ZNF398: variants seen among roughly 807,000 people sequenced by gnomAD.
The protein encoded by ZNF398 is zinc finger DNA binding protein ZER6.
A neutral mutation model predicts 41.9 loss-of-function variants in ZNF398; 18 were observed. The observed-to-expected ratio is 0.43, with a 90% CI of 0.30 to 0.64. ZNF398 has a LOEUF of 0.64. Among genes scored for constraint, ZNF398 ranks in the 30% least tolerant of loss-of-function variants. The pLI, the probability that ZNF398 is intolerant of heterozygous loss-of-function variation, is 0.14. For missense variants in ZNF398, 669 were observed against 822.8 expected (o/e 0.81, Z 2.29); for synonymous variants, 260 against 308.8 (o/e 0.84, Z 1.66).
upstream of ZNF398, among the ~76,000 whole-genome samples, chr7:149,144,186 T>C (rs1187921373): frequency 6.6e-6 from 1 of 152,230 alleles, no homozygotes; most frequent in African/African-American, 2.4e-5. Flanking sequence ...AGCAGAGAGG[T>C]AGCCTTGCTT....
intron 2 of ZNF398, among the ~76,000 whole-genome samples, chr7:149,135,987 T>C (rs987632169): frequency 1.1e-4 from 16 of 152,018 alleles, no homozygotes; most frequent in African/African-American, 3.9e-4. Context: ...TAATAAAGCT[T>C]TAATTTTGAT....
At chr7:149,157,044 T>C (rs1189011950) in intron 2 of ZNF398, among the ~76,000 whole-genome samples, 1 of 152,058 alleles carries the variant, frequency 6.6e-6, no homozygotes, top group East Asian at 1.9e-4. Flanking sequence ...GAGCAGATGC[T>C]CTTAACCACG....
chr7:149,175,299 C>T (rs1382036420), intron 4 of ZNF398, among the ~76,000 whole-genome samples: 1 of 151,900 alleles, frequency 6.6e-6, no homozygotes, highest in Non-Finnish European at 1.5e-5. Flanking sequence ...CTCTCTGGAG[C>T]TTGACAAGCT....
At chr7:149,148,856 T>A (rs1305643524) in intron 1 of ZNF398, among the ~76,000 whole-genome samples, 1 of 144,002 alleles carries the variant, frequency 6.9e-6, no homozygotes, top group Non-Finnish European at 1.5e-5. Context: ...CGGACCTTTT[T>A]CTTTGTCTTT....
At chr7:149,153,048 G>A (rs1366677344) in intron 1 of ZNF398, among the ~76,000 whole-genome samples, 3 of 151,818 alleles carry the variant, frequency 2.0e-5, no homozygotes, top group South Asian at 2.1e-4. Flanking sequence ...TAGTAGAGAC[G>A]GGATTTCACC....
At chr7:149,140,834 G>T (rs1826807673) in intron 2 of ZNF398, among the ~76,000 whole-genome samples, 1 of 152,066 alleles carries the variant, frequency 6.6e-6, no homozygotes, top group African/African-American at 2.4e-5. Flanking sequence ...GAGCCCAAGA[G>T]TTGGAGACCA....
intron 1 of ZNF398, among the ~76,000 whole-genome samples, chr7:149,151,550 T>C (rs1585515857): frequency 6.6e-6 from 1 of 152,180 alleles, no homozygotes; most frequent in South Asian, 2.1e-4. Context: ...TACTACTCTT[T>C]GTTTCAAAGT....
chr7:149,174,478 G>A (rs1795420932), intron 4 of ZNF398, among the ~76,000 whole-genome samples: 1 of 152,276 alleles, frequency 6.6e-6, no homozygotes, highest in Middle Eastern at 3.4e-3. Context: ...GTGAGCCACT[G>A]TGCCCAGCCC....
Position 149,133,456 on chromosome 7 carries a change from A to G in ZNF398, c.-490+4512A>G, listed in dbSNP as rs578233679. Among the ~76,000 whole-genome samples, 24 of 150,526 alleles carry G rather than the reference A, an allele frequency of 1.6e-4. No individual in the cohort carries two copies. The South Asian group carries it at 3.0e-3, about 19-fold the overall frequency. ...GACCTGTATGTTGTGCTGACTTCCT[A>G]TCTCTTCCTGTGATTTAGAATGCCT... On this transcript the variant is annotated intron_variant, in intron 2 of 6. Coordinates refer to the ZNF398 transcript ENST00000426851.
Position 149,147,797 on chromosome 7 carries a change from C to A in ZNF398, c.24+31C>A. The A allele has an allele frequency of 7.3e-7, 1 of 1,371,032 alleles. No homozygotes were observed. Among genetic ancestry groups the A allele is most frequent in the South Asian group, 1.7e-5 (1 of 59,262 alleles). 84.9% of individuals were successfully genotyped at this position (1,371,032 alleles called of 1,614,324 possible). On this transcript the variant is annotated intron_variant, in intron 1 of 5. Coordinates refer to ENST00000475153, the MANE Select transcript of ZNF398 (RefSeq NM_170686.3). The surrounding 1 kb of genome is among the most constrained non-coding windows in gnomAD (Gnocchi z 5.6). ...GGCGGCCGCGCGCGAGTGTTGTGAG[C>A]CCCCGAGACCCAGACCCCGAGGGAG... is the stretch of plus-strand genomic sequence containing the variant.
In ZNF398 at chr7:149,182,875, T is replaced by A. The variant is rs2129522264; in HGVS notation, c.*3074T>A. The A allele has an allele frequency of 6.6e-6, 1 of 152,326 alleles. No homozygotes were observed. The allele number at this position is 152,326 out of a possible 1,614,324, so 9.4% of individuals were successfully genotyped here. On this transcript the variant is annotated 3_prime_UTR_variant, in exon 6 of 6. Transcript: ENST00000475153. ...CCTACTTCCCTTTTCATTAATAATG[T>A]GTGCAAGTTTCCTATTAGCGGGGAA...
At chr7:149,127,685 C>T (rs1826515410) in intron 1 of ZNF398, among the ~76,000 whole-genome samples, 2 of 151,966 alleles carry the variant, frequency 1.3e-5, no homozygotes, top group South Asian at 4.2e-4. Flanking sequence ...CCACTGCACT[C>T]CAGCCTGGGC....
upstream of ZNF398, among the ~76,000 whole-genome samples, chr7:149,145,214 G>A (rs1360594905): frequency 6.6e-6 from 1 of 152,066 alleles, no homozygotes; most frequent in Non-Finnish European, 1.5e-5. Flanking sequence ...GGTTTAGCAG[G>A]GTTTGATTCA....
At chr7:149,144,297 T>G (rs1826887261), upstream of ZNF398, among the ~76,000 whole-genome samples, 1 of 152,172 alleles carries the variant, frequency 6.6e-6, no homozygotes, top group Admixed American at 6.6e-5. Context: ...CCTTATAACA[T>G]CAAACTTGAA....
intron 1 of ZNF398, chr7:149,151,209 A>C (rs997851654): frequency 1.3e-5 from 16 of 1,201,996 alleles, no homozygotes; most frequent in Non-Finnish European, 1.6e-5. Flanking sequence ...TCCTCTAGGC[A>C]CGCTTACTAA....
chr7:149,131,066 C>A (rs1331059716), intron 2 of ZNF398, among the ~76,000 whole-genome samples: 2 of 152,070 alleles, frequency 1.3e-5, no homozygotes, highest in Non-Finnish European at 2.9e-5. Context: ...TGGTTGCTTT[C>A]CTGAGAAAGG....
At chr7:149,144,170 T>C (rs1349343771), upstream of ZNF398, among the ~76,000 whole-genome samples, 2 of 152,206 alleles carry the variant, frequency 1.3e-5, no homozygotes, top group Non-Finnish European at 1.5e-5. Flanking sequence ...AATATTACCA[T>C]ATTAAAGCAG....
chr7:149,134,343 G>A (rs1243469484), intron 2 of ZNF398, among the ~76,000 whole-genome samples: 16 of 151,088 alleles, frequency 1.1e-4, no homozygotes, highest in Admixed American at 9.9e-4. Context: ...CCTCCCCACC[G>A]GCCTCCCAAA....
At chr7:149,168,002 G>T (rs975158638) in intron 4 of ZNF398, among the ~76,000 whole-genome samples, 2 of 151,974 alleles carry the variant, frequency 1.3e-5, no homozygotes, top group East Asian at 3.9e-4. Context: ...CCTAAATTCT[G>T]CCACTAACAT....
Sources: gnomAD v4.1 joint callset for allele counts (sites outside exome capture counted in the v4.1 genomes callset) on GRCh38, gnomAD v4.1.1 for gene constraint, Gnocchi (gnomAD v3.1) non-coding constraint, MANE v1.5 for transcripts, NCBI Gene and HGNC (gene_info 2026-07-23, HGNC 2026-07-21) for gene names.